The following AGBL4 variants were observed in gnomAD, a reference collection of about 807,000 sequenced individuals.
AGBL4 encodes the protein AGBL carboxypeptidase 4, also known as cytosolic carboxypeptidase 6.
In AGBL4, 58 loss-of-function variants were observed where a neutral mutation model predicts 66.4. That is an observed-to-expected ratio of 0.87 (90% CI 0.71 to 1.09). The LOEUF is 1.09. Ranked by LOEUF, AGBL4 falls within the 50% of genes least tolerant of loss-of-function variation. The pLI, the probability that AGBL4 is intolerant of heterozygous loss-of-function variation, is 0.00. For synonymous variants in AGBL4, 234 were observed against 222.9 expected, an observed-to-expected ratio of 1.05 and a Z score of -0.44; for missense variants, 579 against 631.0, an observed-to-expected ratio of 0.92 and a Z score of 0.88.
chr1:49,875,145 C>CTAT lies in AGBL4; in HGVS notation c.35-23630_35-23628dup, dbSNP rs965373261. Among the ~76,000 whole-genome samples the CTAT allele has an allele frequency of 2.7e-3, 373 of 139,636 alleles. 1 individual carries two copies. The highest frequency in any genetic ancestry group is 9.3e-3 in the African/African-American group (355 of 38,082). 91.6% of individuals were successfully genotyped at this position (139,636 alleles called of 152,430 possible). A position where few individuals can be genotyped will look rare whatever the true frequency, so the allele number is the denominator to read the frequency against. ...TCCAATTTCTTTTTTTTTATTATTACTATTATTATTATTATTATTTTTAAT... is the reference window on the plus strand; with the variant it reads ...TCCAATTTCTTTTTTTTTATTATTACTATTATTATTATTATTATTATTTTTAAT... On this transcript the variant is annotated intron_variant, in intron 1 of 13. Coordinates refer to ENST00000371839, the MANE Select transcript of AGBL4 (RefSeq NM_032785.4).
intron 2 of AGBL4, among the ~76,000 whole-genome samples, chr1:49,715,905 T>C (rs979579234): frequency 1.3e-5 from 2 of 152,184 alleles, no homozygotes; most frequent in African/African-American, 4.8e-5. Context: ...GTAGGTTGCC[T>C]GTTCACTCTG....
intron 6 of AGBL4, among the ~76,000 whole-genome samples, chr1:48,816,084 TGTGTGTGTAG>T (rs1558014458): frequency 6.9e-6 from 1 of 145,726 alleles, no homozygotes; most frequent in Non-Finnish European, 1.5e-5. Flanking sequence ...TGTGTGTGTG[TGTGTGTGTAG>T]AGAGAAAGAG....
chr1:49,876,178 A>G (rs1342107808), intron 1 of AGBL4, among the ~76,000 whole-genome samples: 9 of 143,766 alleles, frequency 6.3e-5, no homozygotes, highest in African/African-American at 2.4e-4. Flanking sequence ...CCCATTTGTC[A>G]ATTTTGGCTT....
At chr1:48,575,903 T>C (rs1644646147) in intron 11 of AGBL4, among the ~76,000 whole-genome samples, 1 of 152,214 alleles carries the variant, frequency 6.6e-6, no homozygotes, top group Non-Finnish European at 1.5e-5. Context: ...TAGGGCCTGG[T>C]ACAGCATAGG....
At chr1:49,133,927 A>G (rs960148052) in intron 4 of AGBL4, among the ~76,000 whole-genome samples, 6 of 152,148 alleles carry the variant, frequency 3.9e-5, no homozygotes, top group Admixed American at 6.6e-5. Flanking sequence ...ATATTCTAAT[A>G]CATATATATA....
chr1:49,581,400 T>A (rs1337365468), intron 3 of AGBL4, among the ~76,000 whole-genome samples: 6 of 152,178 alleles, frequency 3.9e-5, no homozygotes, highest in Admixed American at 2.6e-4. Flanking sequence ...TTTGAGGGCA[T>A]CATATCACCT....
intron 2 of AGBL4, among the ~76,000 whole-genome samples, chr1:49,820,148 A>G (rs1262176754): frequency 6.6e-6 from 1 of 152,192 alleles, no homozygotes. Flanking sequence ...TTTATCTCCT[A>G]GCGTAAGCAT....
chr1:49,486,207 G>A (rs1647063471), intron 3 of AGBL4, among the ~76,000 whole-genome samples: 1 of 151,862 alleles, frequency 6.6e-6, no homozygotes, highest in South Asian at 2.1e-4. Flanking sequence ...TTTCAAATAT[G>A]TACAAAATTT....
chr1:49,263,087 T>C (rs1222255460), intron 3 of AGBL4, among the ~76,000 whole-genome samples: 10 of 149,930 alleles, frequency 6.7e-5, no homozygotes, highest in African/African-American at 2.5e-4. Context: ...TTCTCACTCA[T>C]AGATGGGAAT....
intron 9 of AGBL4, among the ~76,000 whole-genome samples, chr1:48,632,266 A>C (rs1285758921): frequency 2.0e-5 from 3 of 152,160 alleles, no homozygotes; most frequent in Non-Finnish European, 4.4e-5. Context: ...TCAGCACCCA[A>C]GATGTACTTA....
chr1:49,417,445 A>G (rs888355383), intron 3 of AGBL4, among the ~76,000 whole-genome samples: 1 of 152,098 alleles, frequency 6.6e-6, no homozygotes, highest in Admixed American at 6.6e-5. Context: ...AATTCCCTCA[A>G]CTGATCCAAA....
chr1:49,781,232 T>C (rs1466479488), intron 2 of AGBL4, among the ~76,000 whole-genome samples: 3 of 151,588 alleles, frequency 2.0e-5, no homozygotes, highest in Admixed American at 6.6e-5. Context: ...TCTACAAAAA[T>C]AAAAACAAAA....
At position 49,579,531 on chromosome 1, in the gene AGBL4, G is replaced by A. The variant is rs144209221; in HGVS notation, c.282+117782C>T. 6.5e-3 allele frequency among the ~76,000 whole-genome samples: 995 copies of A among 151,960 alleles called. 6 individuals carry two copies. The highest frequency in any genetic ancestry group is 0.031 in the Middle Eastern group (9 of 292). On this transcript the variant is annotated intron_variant, in intron 3 of 13. Coordinates refer to ENST00000371839, the MANE Select transcript of AGBL4 (RefSeq NM_032785.4). ...TTCTTTTTTTTTGAGATAAAGTCTC[G>A]CTCTTTCACCCAGGCCAGACTGCAG...
At chr1:48,765,191 G>T (rs565997882) in intron 6 of AGBL4, among the ~76,000 whole-genome samples, 1 of 152,010 alleles carries the variant, frequency 6.6e-6, no homozygotes, top group Non-Finnish European at 1.5e-5. Context: ...ATCCACTGGC[G>T]TATGAGTAAC....
intron 5 of AGBL4, among the ~76,000 whole-genome samples, chr1:48,889,673 A>G (rs546275836): frequency 3.9e-5 from 6 of 152,304 alleles, no homozygotes; most frequent in South Asian, 2.1e-4. Flanking sequence ...TCATAAATCT[A>G]TACAGGACAT....
intron 5 of AGBL4, among the ~76,000 whole-genome samples, chr1:48,901,496 G>A (rs1652075491): frequency 6.6e-6 from 1 of 152,084 alleles, no homozygotes; most frequent in African/African-American, 2.4e-5. Flanking sequence ...CTGGAAATAA[G>A]CAAATTGTGG....
intron 5 of AGBL4, among the ~76,000 whole-genome samples, chr1:48,902,676 T>G (rs1652202569): frequency 6.6e-6 from 1 of 152,140 alleles, no homozygotes; most frequent in Non-Finnish European, 1.5e-5. Flanking sequence ...ATATCCCCAT[T>G]ATCACATCCC....
chr1:49,985,591 C>T (rs982329925), intron 1 of AGBL4, among the ~76,000 whole-genome samples: 1 of 152,138 alleles, frequency 6.6e-6, no homozygotes, highest in Non-Finnish European at 1.5e-5. Context: ...GTTAAGAATG[C>T]TTACACATAA....
chr1:49,053,982 A>G (rs1644265791), intron 4 of AGBL4, among the ~76,000 whole-genome samples: 1 of 152,168 alleles, frequency 6.6e-6, no homozygotes. Context: ...ACTACAATTT[A>G]CACATGTAAA....
Sources: allele counts gnomAD v4.1 joint callset (sites outside exome capture counted in the v4.1 genomes callset), GRCh38; gene constraint gnomAD v4.1.1; transcripts MANE v1.5; gene names NCBI Gene and HGNC (gene_info 2026-07-23, HGNC 2026-07-21).